CCDC122: variants seen among roughly 807,000 people sequenced by gnomAD.
CCDC122 encodes coiled-coil domain-containing protein 122.
A neutral mutation model predicts 37.0 loss-of-function variants in CCDC122; 38 were observed. The ratio of observed to expected loss-of-function variants is 1.03; its 90% CI spans 0.79 to 1.35. The LOEUF is 1.35. Among genes scored for constraint, CCDC122 ranks in the 40% most tolerant of loss-of-function variants. The pLI is 0.00. For synonymous variants in CCDC122, 83 were observed against 95.6 expected (o/e 0.87, Z 0.77); for missense variants, 305 against 310.0 (o/e 0.98, Z 0.12).
intron 6 of CCDC122, chr13:43,855,464 A>G (rs1953877335): frequency 6.6e-6 from 1 of 152,144 alleles, no homozygotes; most frequent in Non-Finnish European, 1.5e-5. Context: ...CTGCTCAAAT[A>G]AATTAGAGAT....
intron 6 of CCDC122, among the ~76,000 whole-genome samples, chr13:43,844,760 CTTGATA>C (rs1203171315): frequency 1.3e-5 from 2 of 152,084 alleles, no homozygotes; most frequent in Admixed American, 6.5e-5. Context: ...TTGAAATCTA[CTTGATA>C]TTAACACAGC....
Position 43,872,390 on chromosome 13 carries a change from T to C in CCDC122, c.-114+2452A>G, listed in dbSNP as rs186204712. Among the ~76,000 whole-genome samples, 115 of 152,252 alleles carry C rather than the reference T, an allele frequency of 7.6e-4. 1 individual carries two copies. Among genetic ancestry groups the C allele is most frequent in the South Asian group, 6.2e-3 (30 of 4,820 alleles). On this transcript the variant is annotated intron_variant, in intron 2 of 6. Coordinates refer to ENST00000444614, the MANE Select transcript of CCDC122 (RefSeq NM_144974.5). ...AAAGAAAGACATGCAACTATGCTGTTGACTCACTTTAAATTCAAGACCATT... is the reference window on the plus strand; with the variant it reads ...AAAGAAAGACATGCAACTATGCTGTCGACTCACTTTAAATTCAAGACCATT...
rs964919593 is a variant in CCDC122, at chr13:43,871,212, T to G, written c.-113-1723A>C. On this transcript the variant is annotated intron_variant, in intron 2 of 6. Transcript: ENST00000444614. ...CACTTTAATCAACTTACTCTTTCTA[T>G]TCCCACTACTACCATCTATATTTCT... 7.9e-5 allele frequency among the ~76,000 whole-genome samples: 12 copies of G among 152,158 alleles called. No homozygotes were observed. In the East Asian group the frequency reaches 2.3e-3, roughly 29 times the overall value.
At chr13:43,820,194 T>C (rs1952983712), downstream of CCDC122, among the ~76,000 whole-genome samples, 1 of 152,194 alleles carries the variant, frequency 6.6e-6, no homozygotes, top group South Asian at 2.1e-4. Context: ...AAACTGATGA[T>C]TTACTTATAA....
chr13:43,846,398 G>C (rs1594825623), intron 6 of CCDC122, among the ~76,000 whole-genome samples: 1 of 152,070 alleles, frequency 6.6e-6, no homozygotes, highest in Non-Finnish European at 1.5e-5. Context: ...TCCTCACATC[G>C]AGTAATGTTT....
chr13:43,864,217 T>G (rs944954643), intron 4 of CCDC122, among the ~76,000 whole-genome samples: 2 of 152,232 alleles, frequency 1.3e-5, no homozygotes, highest in African/African-American at 4.8e-5. Context: ...TATATCATAT[T>G]ATCCTGATTA....
At chr13:43,855,131 T>C (rs973721414) in intron 6 of CCDC122, 1 of 152,018 alleles carries the variant, frequency 6.6e-6, no homozygotes, top group Non-Finnish European at 1.5e-5. Context: ...GCCAGAGCAA[T>C]CAGGCAAGAG....
chr13:43,833,119 C>G (rs904866076), downstream of CCDC122, among the ~76,000 whole-genome samples: 1 of 152,136 alleles, frequency 6.6e-6, no homozygotes, highest in Non-Finnish European at 1.5e-5. Flanking sequence ...TGGTGACTCC[C>G]ATGGTTTTTA....
In CCDC122 at chr13:43,837,180, T is replaced by C. The variant is rs552615408; in HGVS notation, c.*100A>G. 3.2e-5 allele frequency: 37 copies of C among 1,168,104 alleles called. No individual in the cohort carries two copies. The South Asian group carries it at 5.7e-4, about 18-fold the overall frequency. The allele number at this position is 1,168,104 out of a possible 1,614,324, so 72.4% of individuals were successfully genotyped here. On this transcript the variant is annotated 3_prime_UTR_variant, in exon 7 of 7. Transcript: ENST00000444614. The stretch of plus-strand genomic sequence containing the variant: ...ATCTGTCATTAAGACAGGTCTCTAA[T>C]AGTGGATGCTTGTTATTAAGAATCC...
chr13:43,871,699 A>T (rs1954457781), intron 2 of CCDC122, among the ~76,000 whole-genome samples: 1 of 151,816 alleles, frequency 6.6e-6, no homozygotes, highest in Admixed American at 6.6e-5. Context: ...CTTCCCTTTT[A>T]CCTTTTGGCT....
intron 4 of CCDC122, among the ~76,000 whole-genome samples, chr13:43,865,811 C>T (rs1455881381): frequency 6.6e-6 from 1 of 152,124 alleles, no homozygotes; most frequent in Non-Finnish European, 1.5e-5. Context: ...ATGATTTGTC[C>T]TTACCATAGA....
downstream of CCDC122, among the ~76,000 whole-genome samples, chr13:43,822,605 T>A (rs764766465): frequency 1.5e-4 from 23 of 152,148 alleles, no homozygotes; most frequent in Admixed American, 3.3e-4. Flanking sequence ...CCTTAGAAAT[T>A]TACCTGATGT....
chr13:43,819,494 T>C (rs1180310944), downstream of CCDC122, among the ~76,000 whole-genome samples: 1 of 152,180 alleles, frequency 6.6e-6, no homozygotes, highest in Non-Finnish European at 1.5e-5. Flanking sequence ...TGAAAAGTGA[T>C]GTAATTATGA....
At chr13:43,838,022 A>G (rs1446304017) in intron 6 of CCDC122, among the ~76,000 whole-genome samples, 1 of 152,072 alleles carries the variant, frequency 6.6e-6, no homozygotes, top group African/African-American at 2.4e-5. Context: ...TAAAACAGAC[A>G]TTGAGCCATT....
At chr13:43,848,417 A>AC (rs1260536851) in intron 6 of CCDC122, among the ~76,000 whole-genome samples, 1 of 149,560 alleles carries the variant, frequency 6.7e-6, no homozygotes, top group Non-Finnish European at 1.5e-5. Flanking sequence ...TGGAAATAAC[A>AC]CTTTTTTTTT....
chr13:43,832,808 A>C (rs924506173), downstream of CCDC122, among the ~76,000 whole-genome samples: 2 of 152,178 alleles, frequency 1.3e-5, no homozygotes, highest in Non-Finnish European at 2.9e-5. Context: ...ATCTTAGGCA[A>C]GTTACTCAAC....
chr13:43,863,250 C>A (rs542589642), intron 4 of CCDC122, among the ~76,000 whole-genome samples: 16 of 152,186 alleles, frequency 1.1e-4, no homozygotes, highest in Admixed American at 1.0e-3. Context: ...TTGCTTTTCA[C>A]TAATTTTATA....
intron 6 of CCDC122, chr13:43,848,908 A>C: frequency 1.0e-6 from 1 of 979,620 alleles, no homozygotes; most frequent in Non-Finnish European, 1.2e-6. Flanking sequence ...CTCCAAAAAG[A>C]AGTAATAAAA....
At chr13:43,842,596 T>C (rs1594821144) in intron 6 of CCDC122, among the ~76,000 whole-genome samples, 2 of 151,934 alleles carry the variant, frequency 1.3e-5, no homozygotes, top group South Asian at 4.2e-4. Context: ...GGAACAATGT[T>C]GAACCTATAC....
Sources: gnomAD v4.1 joint callset for allele counts (sites outside exome capture counted in the v4.1 genomes callset) on GRCh38, gnomAD v4.1.1 for gene constraint, MANE v1.5 for transcripts, NCBI Gene and HGNC (gene_info 2026-07-23, HGNC 2026-07-21) for gene names.